Variants in KCNIP4 observed in about 807,000 individuals in gnomAD.
The protein encoded by KCNIP4 is potassium voltage-gated channel interacting protein 4.
In KCNIP4, 12 loss-of-function variants were observed where a neutral mutation model predicts 34.0. That is an observed-to-expected ratio of 0.35 (90% CI 0.23 to 0.57). The LOEUF (loss-of-function observed/expected upper bound fraction) is 0.57, where lower values mean the gene tolerates loss of function less well. KCNIP4 is among the 20% of genes least tolerant of loss of function. KCNIP4 has a pLI of 0.83. For synonymous variants in KCNIP4, 124 were observed against 102.2 expected, an observed-to-expected ratio of 1.21 and a Z score of -1.29; for missense variants, 238 against 311.7, an observed-to-expected ratio of 0.76 and a Z score of 1.78.
intron 1 of KCNIP4, among the ~76,000 whole-genome samples, chr4:21,445,169 G>A (rs1727865733): frequency 6.6e-6 from 1 of 152,136 alleles, no homozygotes; most frequent in Non-Finnish European, 1.5e-5. Flanking sequence ...TGGGCAGGAA[G>A]AATCAATATC....
Position 20,728,850 on chromosome 4 carries a change from A to ATATT in KCNIP4, c.*1228_*1231dup, listed in dbSNP as rs1031244155. On this transcript the variant is annotated 3_prime_UTR_variant, in exon 9 of 9. Coordinates refer to ENST00000382152, the MANE Select transcript of KCNIP4 (RefSeq NM_025221.6). The stretch of plus-strand genomic sequence containing the variant: ...CTTCTGTAGCCTCTTGGTCTTTGTG[A>ATATT]TATTTCTACAAAACAGGGACGATGT... The ATATT allele has an allele frequency of 6.6e-6, 1 of 152,514 alleles. No individual in the cohort carries two copies. Among genetic ancestry groups the ATATT allele is most frequent in the Non-Finnish European group, 1.5e-5 (1 of 68,014 alleles). 9.4% of individuals were successfully genotyped at this position (152,514 alleles called of 1,614,324 possible). A position where few individuals can be genotyped will look rare whatever the true frequency, so the allele number is the denominator to read the frequency against.
At chr4:21,473,812 C>T (rs553453913) in intron 1 of KCNIP4, among the ~76,000 whole-genome samples, 1 of 151,502 alleles carries the variant, frequency 6.6e-6, no homozygotes, top group Non-Finnish European at 1.5e-5. Context: ...CTCCTGGGTT[C>T]AAGCGATTCT....
At chr4:21,191,400 T>C (rs936779866) in intron 1 of KCNIP4, among the ~76,000 whole-genome samples, 2 of 152,230 alleles carry the variant, frequency 1.3e-5, no homozygotes, top group African/African-American at 4.8e-5. Flanking sequence ...GCCTATAGTT[T>C]AATGACGGAA....
intron 1 of KCNIP4, among the ~76,000 whole-genome samples, chr4:21,143,649 A>AAT (rs796535759): frequency 1.3e-5 from 2 of 152,284 alleles, no homozygotes; most frequent in African/African-American, 4.8e-5. Context: ...ATAGAAAACT[A>AAT]ATACACTTGG....
chr4:21,709,089 C>T (rs1413125417), intron 1 of KCNIP4, among the ~76,000 whole-genome samples: 3 of 151,576 alleles, frequency 2.0e-5, no homozygotes, highest in Non-Finnish European at 2.9e-5. Context: ...AAGGGAGAGG[C>T]ACAGAACTTT....
At chr4:20,988,940 G>C (rs1167440852) in intron 1 of KCNIP4, among the ~76,000 whole-genome samples, 4 of 152,328 alleles carry the variant, frequency 2.6e-5, no homozygotes, top group Middle Eastern at 3.4e-3. Flanking sequence ...AGTGGGATTT[G>C]TGTAAGAAAC....
chr4:21,058,936 G>A (rs1214242059), intron 1 of KCNIP4, among the ~76,000 whole-genome samples: 1 of 152,106 alleles, frequency 6.6e-6, no homozygotes, highest in Non-Finnish European at 1.5e-5. Flanking sequence ...CGTGTCATGG[G>A]AGAGACCCAG....
intron 1 of KCNIP4, among the ~76,000 whole-genome samples, chr4:21,901,918 C>T (rs886373354): frequency 1.3e-5 from 2 of 152,144 alleles, no homozygotes; most frequent in African/African-American, 4.8e-5. Flanking sequence ...CAAAGACACA[C>T]CTTCAAAAAG....
intron 1 of KCNIP4, among the ~76,000 whole-genome samples, chr4:21,691,710 T>TC: frequency 7.0e-6 from 1 of 142,268 alleles, no homozygotes; most frequent in African/African-American, 2.8e-5. Flanking sequence ...TTTTTTTTTT[T>TC]TTTTCTTGAG....
chr4:21,887,737 T>C (rs1175126480), intron 1 of KCNIP4, among the ~76,000 whole-genome samples: 2 of 147,546 alleles, frequency 1.4e-5, no homozygotes, highest in Non-Finnish European at 3.1e-5. Context: ...CAGTTATTAT[T>C]ATAGATGAGG....
chr4:21,893,619 C>G (rs1280559816), intron 1 of KCNIP4, among the ~76,000 whole-genome samples: 1 of 152,150 alleles, frequency 6.6e-6, no homozygotes, highest in Admixed American at 6.6e-5. Context: ...AGCAATCCAA[C>G]ATTTGCAATT....
At chr4:21,654,686 C>G (rs923276478) in intron 1 of KCNIP4, among the ~76,000 whole-genome samples, 20 of 151,890 alleles carry the variant, frequency 1.3e-4, no homozygotes, top group African/African-American at 4.3e-4. Context: ...CACTTTGGGA[C>G]GCCGAGGCAG....
intron 5 of KCNIP4, among the ~76,000 whole-genome samples, chr4:20,740,132 G>T (rs909126055): frequency 6.6e-6 from 1 of 152,128 alleles, no homozygotes; most frequent in Non-Finnish European, 1.5e-5. Context: ...AAGTGACGGG[G>T]AGAATTGAAC....
At chr4:21,188,790 G>A (rs543828576) in intron 1 of KCNIP4, among the ~76,000 whole-genome samples, 1 of 152,274 alleles carries the variant, frequency 6.6e-6, no homozygotes, top group East Asian at 1.9e-4. Context: ...ACTAATACAA[G>A]TATTTGTTTA....
At chr4:20,925,157 G>T (rs563149087) in intron 1 of KCNIP4, among the ~76,000 whole-genome samples, 4 of 152,258 alleles carry the variant, frequency 2.6e-5, no homozygotes, top group South Asian at 4.2e-4. Flanking sequence ...CCTGTGTTGG[G>T]AGTCCCACAT....
At chr4:21,669,428 TTAAC>T (rs1749290755) in intron 1 of KCNIP4, among the ~76,000 whole-genome samples, 2 of 152,222 alleles carry the variant, frequency 1.3e-5, no homozygotes, top group South Asian at 2.1e-4. Flanking sequence ...TTTCTTTTCT[TTAAC>T]TAATTTACTG....
rs76925460 is a variant in KCNIP4 at position 20,790,008 on chromosome 4, G to A, written c.289-31118C>T. ...CTTTCTGAGAAATAGGTCATTAGGT[G>A]ACTTCCATTTTGTGCAAATATAAGA... On this transcript the variant is annotated intron_variant, in intron 3 of 8. Transcript: ENST00000382152. 4.1e-3 allele frequency among the ~76,000 whole-genome samples: 619 copies of A among 152,136 alleles called. 4 individuals are homozygous for A. The highest frequency in any genetic ancestry group is 0.014 in the African/African-American group (593 of 41,510).
chr4:21,631,367 A>G (rs1745754925), intron 1 of KCNIP4, among the ~76,000 whole-genome samples: 1 of 152,206 alleles, frequency 6.6e-6, no homozygotes, highest in Non-Finnish European at 1.5e-5. Flanking sequence ...AAATTTTACT[A>G]AAAATGGTAG....
chr4:21,572,266 T>C (rs1740419978), intron 1 of KCNIP4, among the ~76,000 whole-genome samples: 1 of 152,192 alleles, frequency 6.6e-6, no homozygotes, highest in Non-Finnish European at 1.5e-5. Context: ...AATCTCCTAT[T>C]TTAACAAAAT....
Sources: allele counts gnomAD v4.1 joint callset (sites outside exome capture counted in the v4.1 genomes callset), GRCh38; gene constraint gnomAD v4.1.1; transcripts MANE v1.5; gene names NCBI Gene and HGNC (gene_info 2026-07-23, HGNC 2026-07-21).